Variants in PPARGC1A observed in about 807,000 individuals in gnomAD.
PPARGC1A encodes the protein peroxisome proliferator-activated receptor gamma coactivator 1-alpha.
A neutral mutation model predicts 88.7 loss-of-function variants in PPARGC1A; 25 were observed. The ratio of observed to expected loss-of-function variants is 0.28; its 90% confidence interval spans 0.21 to 0.39. The LOEUF (loss-of-function observed/expected upper bound fraction) is 0.39. Among genes scored for constraint, PPARGC1A ranks in the 10% least tolerant of loss-of-function variants. PPARGC1A has a pLI of 1.00. For missense variants in PPARGC1A, 880 were observed against 968.7 expected (o/e 0.91, Z 1.22); for synonymous variants, 363 against 355.6 (o/e 1.02, Z -0.24).
chr4:23,818,644 T>C (rs1722406168), intron 7 of PPARGC1A, among the ~76,000 whole-genome samples: 1 of 151,942 alleles, frequency 6.6e-6, no homozygotes, highest in Non-Finnish European at 1.5e-5. Context: ...GTACATACTC[T>C]ACAGTCATCT....
chr4:23,869,157 G>A (rs1712711513), intron 2 of PPARGC1A, among the ~76,000 whole-genome samples: 1 of 152,166 alleles, frequency 6.6e-6, no homozygotes, highest in Non-Finnish European at 1.5e-5. Context: ...GCTTGCAGGT[G>A]AGTGATGGAC....
chr4:24,423,086 C>T, the PPARGC1A span, among the ~76,000 whole-genome samples: 2 of 152,164 alleles, frequency 1.3e-5, no homozygotes, highest in Admixed American at 6.5e-5. Flanking sequence ...ATATAATACA[C>T]ACACACACAG....
chr4:24,206,331 A>G, the PPARGC1A span, among the ~76,000 whole-genome samples: 1 of 152,242 alleles, frequency 6.6e-6, no homozygotes, highest in African/African-American at 2.4e-5. Context: ...AATAATGAAA[A>G]CAAGCTAAAT....
the PPARGC1A span, among the ~76,000 whole-genome samples, chr4:24,151,386 C>G: frequency 8.5e-5 from 13 of 152,158 alleles, no homozygotes; most frequent in Non-Finnish European, 1.9e-4. Context: ...AGAAAGGGCT[C>G]TGTTCTCTTC....
the PPARGC1A span, among the ~76,000 whole-genome samples, chr4:24,076,446 TA>T: frequency 1.3e-5 from 2 of 152,142 alleles, no homozygotes; most frequent in African/African-American, 4.8e-5. Context: ...TAGAATACAA[TA>T]AAAATCACTG....
the PPARGC1A span, among the ~76,000 whole-genome samples, chr4:24,297,028 C>T: frequency 1.3e-5 from 2 of 152,080 alleles, no homozygotes. Context: ...AGACAAGGGA[C>T]TTGAGTGTTG....
the PPARGC1A span, among the ~76,000 whole-genome samples, chr4:24,086,216 C>A: frequency 6.6e-6 from 1 of 152,150 alleles, no homozygotes; most frequent in Non-Finnish European, 1.5e-5. Flanking sequence ...TTCCAACAAT[C>A]TCTTTTCAGA....
chr4:24,469,715 T>C, the PPARGC1A span, among the ~76,000 whole-genome samples: 1 of 152,282 alleles, frequency 6.6e-6, no homozygotes, highest in African/African-American at 2.4e-5. Flanking sequence ...AAGAAAGATG[T>C]TGCCTCTTGG....
At chr4:24,089,992 G>A in the PPARGC1A span, among the ~76,000 whole-genome samples, 1 of 152,166 alleles carries the variant, frequency 6.6e-6, no homozygotes, top group Admixed American at 6.5e-5. Context: ...ACGGGATGCT[G>A]ACAGTGATAT....
chr4:24,314,526 C>A, the PPARGC1A span, among the ~76,000 whole-genome samples: 1 of 152,144 alleles, frequency 6.6e-6, no homozygotes, highest in African/African-American at 2.4e-5. Flanking sequence ...GCCTCCGGAG[C>A]AACTCCTATT....
chr4:24,189,917 C>T, the PPARGC1A span, among the ~76,000 whole-genome samples: 1 of 152,268 alleles, frequency 6.6e-6, no homozygotes, highest in African/African-American at 2.4e-5. Flanking sequence ...CCCAAGCACA[C>T]CTGCTCTGTA....
At chr4:24,127,756 G>A in the PPARGC1A span, among the ~76,000 whole-genome samples, 3 of 151,908 alleles carry the variant, frequency 2.0e-5, no homozygotes, top group Admixed American at 1.3e-4. Context: ...CAATAAATAG[G>A]AGCTCACAGA....
chr4:24,451,153 G>A, the PPARGC1A span, among the ~76,000 whole-genome samples: 1 of 152,132 alleles, frequency 6.6e-6, no homozygotes, highest in Non-Finnish European at 1.5e-5. Flanking sequence ...AATACCCCTT[G>A]CCAGCATATA....
the PPARGC1A span, among the ~76,000 whole-genome samples, chr4:24,070,820 C>T: frequency 2.8e-4 from 43 of 152,282 alleles, no homozygotes; most frequent in Non-Finnish European, 4.7e-4. Context: ...ATGAAATTCA[C>T]ATTTCTGCAG....
the PPARGC1A span, among the ~76,000 whole-genome samples, chr4:24,100,455 T>C: frequency 1.3e-5 from 2 of 152,174 alleles, no homozygotes; most frequent in South Asian, 2.1e-4. Context: ...TAGGTGCAAA[T>C]GGCAGGACTC....
the PPARGC1A span, among the ~76,000 whole-genome samples, chr4:23,919,097 A>G: frequency 1.3e-5 from 2 of 152,076 alleles, no homozygotes; most frequent in Admixed American, 6.5e-5. Flanking sequence ...AATTTCATCA[A>G]TTGGATAGGT....
At chr4:24,215,104 A>C in the PPARGC1A span, among the ~76,000 whole-genome samples, 1 of 152,276 alleles carries the variant, frequency 6.6e-6, no homozygotes, top group South Asian at 2.1e-4. Context: ...AAAGACAAGG[A>C]AATACCGCTC....
the PPARGC1A span, among the ~76,000 whole-genome samples, chr4:24,120,108 G>A: frequency 6.6e-6 from 1 of 152,166 alleles, no homozygotes; most frequent in African/African-American, 2.4e-5. Flanking sequence ...TGTAATATTT[G>A]CATAAATCTC....
the PPARGC1A span, among the ~76,000 whole-genome samples, chr4:24,027,587 C>T: frequency 6.6e-6 from 1 of 152,064 alleles, no homozygotes; most frequent in African/African-American, 2.4e-5. Context: ...CTGGGCTCAA[C>T]CTGTGGGGTT....
Sources: allele counts gnomAD v4.1 joint callset (sites outside exome capture counted in the v4.1 genomes callset), GRCh38; gene constraint gnomAD v4.1.1; transcripts MANE v1.5; gene names NCBI Gene and HGNC (gene_info 2026-07-23, HGNC 2026-07-21).